SOX6: variants seen among roughly 807,000 people sequenced by gnomAD.
The protein encoded by SOX6 is SRY-box transcription factor 6.
Under a neutral mutation model 97.8 loss-of-function variants are expected in SOX6, and 11 were observed. The ratio of observed to expected loss-of-function variants is 0.11; its 90% CI spans 0.07 to 0.19. The LOEUF (loss-of-function observed/expected upper bound fraction) is 0.19. Among genes scored for constraint, SOX6 ranks in the 10% least tolerant of loss-of-function variants. SOX6 has a pLI of 1.00. For synonymous variants in SOX6, 360 were observed against 371.4 expected, an observed-to-expected ratio of 0.97 and a Z score of 0.35; for missense variants, 810 against 1,039.5, an observed-to-expected ratio of 0.78 and a Z score of 3.04.
intron 9 of SOX6, among the ~76,000 whole-genome samples, chr11:16,087,965 A>G (rs1216221809): frequency 6.7e-6 from 1 of 149,904 alleles, no homozygotes; most frequent in African/African-American, 2.4e-5. Context: ...CCCTCTAGAC[A>G]TTGTCAACCA....
At chr11:16,510,834 A>G (rs1366321824) in intron 4 of SOX6, among the ~76,000 whole-genome samples, 1 of 152,038 alleles carries the variant, frequency 6.6e-6, no homozygotes, top group Non-Finnish European at 1.5e-5. Context: ...CATAGTAATT[A>G]ATTTTTATTC....
chr11:16,596,236 TA>T (rs1354262672), intron 4 of SOX6, among the ~76,000 whole-genome samples: 4 of 152,350 alleles, frequency 2.6e-5, no homozygotes, highest in Admixed American at 2.0e-4. Flanking sequence ...ATAAGCCACT[TA>T]CTGTAATTTT....
intron 3 of SOX6, among the ~76,000 whole-genome samples, chr11:16,255,908 C>T (rs943867894): frequency 3.3e-5 from 5 of 150,610 alleles, no homozygotes; most frequent in African/African-American, 1.2e-4. Context: ...CATTACAGTT[C>T]CCATGGACAA....
At chr11:16,255,733 T>A (rs2134206058) in intron 3 of SOX6, among the ~76,000 whole-genome samples, 1 of 150,284 alleles carries the variant, frequency 6.7e-6, no homozygotes, top group African/African-American at 2.4e-5. Context: ...AAACTAGACC[T>A]GAAGTCAACA....
intron 6 of SOX6, among the ~76,000 whole-genome samples, chr11:16,123,707 A>G (rs1264200166): frequency 1.3e-5 from 2 of 151,944 alleles, no homozygotes. Flanking sequence ...TACACCTGCT[A>G]TCTCCCTTTA....
intron 9 of SOX6, among the ~76,000 whole-genome samples, chr11:16,071,393 A>T (rs1960271): frequency 0.11 from 16,098 of 152,048 alleles, 1,755 homozygotes; most frequent in East Asian, 0.37. Flanking sequence ...CAGCTTCCTG[A>T]TGTCCTGGGA....
intron 1 of SOX6, among the ~76,000 whole-genome samples, chr11:16,464,915 T>A (rs979700531): frequency 6.6e-6 from 1 of 152,166 alleles, no homozygotes; most frequent in African/African-American, 2.4e-5. Context: ...TCCTTTTACA[T>A]TGGTATTGTC....
At chr11:16,735,246 T>C (rs900030896) in intron 2 of SOX6, among the ~76,000 whole-genome samples, 4 of 152,184 alleles carry the variant, frequency 2.6e-5, no homozygotes, top group Admixed American at 1.3e-4. Context: ...GATCAGCCTA[T>C]AGAATTTTGT....
intron 3 of SOX6, among the ~76,000 whole-genome samples, chr11:16,684,417 C>T (rs1002533163): frequency 6.6e-6 from 1 of 152,156 alleles, no homozygotes; most frequent in African/African-American, 2.4e-5. Flanking sequence ...AGGATGAGTT[C>T]ATGTCCTTTG....
chr11:16,309,154 C>T (rs926297442), intron 3 of SOX6, among the ~76,000 whole-genome samples: 5 of 152,182 alleles, frequency 3.3e-5, no homozygotes, highest in Admixed American at 2.6e-4. Flanking sequence ...AATATCAATT[C>T]CACTCCTGGG....
intron 2 of SOX6, among the ~76,000 whole-genome samples, chr11:16,716,361 T>TA (rs1848219737): frequency 1.3e-5 from 2 of 152,278 alleles, no homozygotes; most frequent in South Asian, 4.1e-4. Context: ...TTGGGCAACA[T>TA]AGAGAGAACC....
At chr11:16,097,776 G>T in intron 7 of SOX6, 88 bp from the exon 8 acceptor site, 1 of 1,214,270 alleles carries the variant, frequency 8.2e-7, no homozygotes, top group Non-Finnish European at 1.2e-6. Flanking sequence ...GATTGCCTGA[G>T]CTTTACAACA....
At chr11:16,733,635 G>A (rs1336606429) in intron 2 of SOX6, among the ~76,000 whole-genome samples, 1 of 151,168 alleles carries the variant, frequency 6.6e-6, no homozygotes, top group African/African-American at 2.4e-5. Flanking sequence ...CAGATGATGG[G>A]TTGATGGGTG....
chr11:16,407,467 A>G (rs1858711529), intron 1 of SOX6, among the ~76,000 whole-genome samples: 1 of 152,160 alleles, frequency 6.6e-6, no homozygotes, highest in Non-Finnish European at 1.5e-5. Flanking sequence ...AGTATCCACG[A>G]TGATTGCATC....
At chr11:16,331,672 T>C (rs1054408502) in intron 2 of SOX6, among the ~76,000 whole-genome samples, 17 of 152,140 alleles carry the variant, frequency 1.1e-4, no homozygotes, top group African/African-American at 4.1e-4. Flanking sequence ...TCCTCAGAGG[T>C]TATGTTACTT....
At chr11:16,332,963 T>C (rs934551973) in intron 2 of SOX6, among the ~76,000 whole-genome samples, 1 of 152,184 alleles carries the variant, frequency 6.6e-6, no homozygotes. Flanking sequence ...ATATTCATTA[T>C]AGGTGTTCAA....
chr11:16,015,040 C>G lies in SOX6; in HGVS notation c.1634G>C (p.Arg545Pro), dbSNP rs148323217. 1 of 1,612,682 alleles carries G rather than the reference C, an allele frequency of 6.2e-7. No homozygotes were observed. The highest frequency in any genetic ancestry group is 1.1e-5 in the South Asian group (1 of 91,048). The change falls in exon 13 of 16, where the codon CGC becomes CCC. Residue 545 changes from arginine to proline, a missense_variant. Coordinates refer to ENST00000683767, the MANE Select transcript of SOX6 (RefSeq NM_001367873.1). ...TAACTGGGGCCCCAAATTCTCAAAGCGCGTTCTTTCCTAGAGGAACAAATA... is the reference window on the plus strand; with the variant it reads ...TAACTGGGGCCCCAAATTCTCAAAGGGCGTTCTTTCCTAGAGGAACAAATA... Reference protein sequence around the residue: ...NSCRNEKERTRFENLGPQLTG... With the variant: ...NSCRNEKERTPFENLGPQLTG...
At chr11:16,633,790 G>A (rs1240626868) in intron 3 of SOX6, among the ~76,000 whole-genome samples, 2 of 152,090 alleles carry the variant, frequency 1.3e-5, no homozygotes, top group African/African-American at 4.8e-5. Flanking sequence ...GCATATATGG[G>A]GCCGACTAAA....
intron 11 of SOX6, 161 bp downstream of exon 11, chr11:16,049,594 T>A (rs1025577362): frequency 1.2e-6 from 1 of 830,558 alleles, no homozygotes; most frequent in African/African-American, 1.7e-5. Flanking sequence ...AAAGTTCTAA[T>A]AAAAGAAGAT....
Sources: allele counts gnomAD v4.1 joint callset (sites outside exome capture counted in the v4.1 genomes callset), GRCh38; gene constraint gnomAD v4.1.1; transcripts MANE v1.5; gene names NCBI Gene and HGNC (gene_info 2026-07-23, HGNC 2026-07-21).